The following RYR1 variants were observed in gnomAD, a reference collection of about 807,000 sequenced individuals.
RYR1 encodes central core disease of muscle.
A neutral mutation model predicts 583.5 loss-of-function variants in RYR1; 342 were observed. The observed-to-expected ratio is 0.59, with a 90% CI of 0.54 to 0.64. The LOEUF (loss-of-function observed/expected upper bound fraction) is 0.64. RYR1 is among the 30% of genes least tolerant of loss of function. The probability of loss-of-function intolerance (pLI) is 0.00; values close to 1 mark genes in which losing one functional copy is unlikely to be tolerated. For synonymous variants in RYR1, 2,791 were observed against 2,822.5 expected, an observed-to-expected ratio of 0.99 and a Z score of 0.35; for missense variants, 6,032 against 6,917.2, an observed-to-expected ratio of 0.87 and a Z score of 4.54.
chr19:38,560,416 C>T (rs1252197645), intron 89 of RYR1, among the ~76,000 whole-genome samples: 1 of 151,228 alleles, frequency 6.6e-6, no homozygotes, highest in Admixed American at 6.6e-5. Context: ...CCTACATTTC[C>T]ATTAGCAGGA....
At chr19:38,571,927 G>T (rs1408123050) in intron 94 of RYR1, 92 bp from the exon 95 acceptor site, 4 of 1,569,216 alleles carry the variant, frequency 2.5e-6, no homozygotes, top group Non-Finnish European at 3.5e-6. Context: ...TATCTGGTAT[G>T]GTCCCAGTCC....
intron 23 of RYR1, 130 bp downstream of exon 23, chr19:38,464,852 G>T: frequency 1.3e-6 from 1 of 764,494 alleles, no homozygotes; most frequent in Non-Finnish European, 2.3e-6. Flanking sequence ...GGGTTAGGGT[G>T]AAGGTCATAG....
chr19:38,463,984 A>C (rs553627989), intron 22 of RYR1, 134 bp downstream of exon 22: 6 of 753,296 alleles, frequency 8.0e-6, no homozygotes, highest in Non-Finnish European at 1.4e-5. Flanking sequence ...AGACATAAAC[A>C]AATGGGGAGT....
intron 71 of RYR1, 147 bp downstream of exon 71, chr19:38,525,649 G>A (rs1475700949): frequency 7.8e-6 from 7 of 895,288 alleles, no homozygotes; most frequent in East Asian, 5.3e-5. Context: ...GTTCTTTTCC[G>A]GGATGCTGAG....
At chr19:38,434,534 T>C (rs891737797) in intron 1 of RYR1, among the ~76,000 whole-genome samples, 7 of 152,184 alleles carry the variant, frequency 4.6e-5, no homozygotes, top group African/African-American at 1.7e-4. Context: ...TCCCTGTCTC[T>C]GTTTCTTAGC....
chr19:38,565,412 G>T lies in RYR1; in HGVS notation c.13078G>T (p.Gly4360Cys), dbSNP rs2145845776. The T allele has an allele frequency of 2.0e-6, 3 of 1,482,150 alleles. No individual in the cohort carries two copies. In the East Asian group the frequency reaches 8.7e-5, roughly 43 times the overall value. The allele number at this position is 1,482,150 out of a possible 1,614,324, so 91.8% of individuals were successfully genotyped here. The change falls in exon 91 of 106, where the codon GGC becomes TGC. Residue 4360 changes from glycine (G) to cysteine (C), a missense_variant. Physicochemically the swap from Gly to Cys is radical, Grantham distance 159. Transcript: ENST00000359596. This position sits in a 1 kb window ranked among gnomAD's most constrained non-coding sequence, Gnocchi z 4.7. ...GGCGGGCGCGCTGGGCCTGCTCTGG[G>T]GCTCGCTGTTCGGCGGCGGCCTGGT... ...AAAGALGLLW[G>C]SLFGGGLVEG... is the part of the protein sequence containing the mutation.
At chr19:38,443,479 C>T in intron 3 of RYR1, 79 bp from the exon 4 acceptor site, 2 of 1,328,788 alleles carry the variant, frequency 1.5e-6, no homozygotes, top group South Asian at 2.5e-5. Flanking sequence ...ATCTTGTCAC[C>T]TGTGACTAGG....
chr19:38,490,013 G>C, intron 35 of RYR1, 63 bp from the exon 36 acceptor site: 1 of 1,560,596 alleles, frequency 6.4e-7, no homozygotes, highest in Admixed American at 1.7e-5. Flanking sequence ...AGCAAGAGAA[G>C]TTTCAAGGAA....
In RYR1 at chr19:38,545,681, G is replaced by T. The variant is rs116563238; in HGVS notation, c.12013-764G>T. On this transcript the variant is annotated intron_variant, in intron 87 of 105. Coordinates refer to ENST00000359596, the MANE Select transcript of RYR1 (RefSeq NM_000540.3). ...TAAAAAATTAGCTGGGTATGGTGGCGCATGCCTGTAATCCAGCTACTCGAG... is the reference window on the plus strand; with the variant it reads ...TAAAAAATTAGCTGGGTATGGTGGCTCATGCCTGTAATCCAGCTACTCGAG... Among the ~76,000 whole-genome samples the T allele has an allele frequency of 2.0e-5, 3 of 152,142 alleles. No individual in the cohort carries two copies. The East Asian group carries it at 5.8e-4, about 29-fold the overall frequency.
intron 71 of RYR1, 99 bp from the exon 72 acceptor site, chr19:38,526,892 CCT>C: frequency 6.1e-6 from 8 of 1,307,342 alleles, no homozygotes; most frequent in African/African-American, 1.5e-5. Flanking sequence ...CCCAGAAAAA[CCT>C]CTTCAGTTCC....
At chr19:38,467,907 C>A in intron 25 of RYR1, 95 bp downstream of exon 25, 2 of 1,176,810 alleles carry the variant, frequency 1.7e-6, no homozygotes, top group Non-Finnish European at 2.5e-6. Flanking sequence ...CTCACTCTGT[C>A]CCCACTTCAT....
rs574486124 is a variant in RYR1, at chr19:38,523,075, G to A, written c.10307G>A (p.Arg3436Lys). Reference sequence around the variant, plus strand: ...AATCCCAGCGCGGAGGAGCTGTTCAGGATGGTGGGCGAGATCTTCATCTAC... The same window carrying A: ...AATCCCAGCGCGGAGGAGCTGTTCAAGATGGTGGGCGAGATCTTCATCTAC... ...EPNPSAEELF[R>K]MVGEIFIYWS... The change falls in exon 68 of 106, where the codon AGG becomes AAG. Residue 3436 changes from arginine to lysine, a missense_variant. Transcript: ENST00000359596. 1.9e-6 allele frequency: 3 copies of A among 1,612,230 alleles called. No homozygotes were observed. The East Asian group carries it at 6.7e-5, about 36-fold the overall frequency.
Position 38,561,213 on chromosome 19 carries a change from C to G in RYR1, c.12383C>G (p.Ala4128Gly). 6.2e-7 allele frequency: 1 copy of G among 1,614,160 alleles called. No homozygotes were observed. The highest frequency in any genetic ancestry group is 8.5e-7 in the Non-Finnish European group (1 of 1,180,036). ...ENEMINCEEF[A>G]NRFQEPARDI... is the part of the protein sequence containing the mutation. ...GAAATGATCAACTGCGAAGAGTTCG[C>G]CAACCGCTTCCAGGAGCCAGCACGC... is the stretch of plus-strand genomic sequence containing the variant. The change falls in exon 90 of 106, where the codon GCC becomes GGC. Residue 4128 changes from alanine to glycine, a missense_variant. Physicochemically the swap from Ala to Gly is moderately conservative, Grantham distance 60. This residue lies in a region of RYR1 where 753 missense variants were observed against 759.6 expected (regional missense o/e 0.99). Transcript: ENST00000359596. This position sits in a 1 kb window ranked among gnomAD's most constrained non-coding sequence, Gnocchi z 4.8.
rs1440452020 is a variant in RYR1, at chr19:38,448,515, A to C, written c.957+4A>C. The C allele has an allele frequency of 1.2e-6, 2 of 1,612,210 alleles. No homozygotes were observed. Among genetic ancestry groups the C allele is most frequent in the Non-Finnish European group, 1.7e-6 (2 of 1,178,304 alleles). On this transcript the variant is annotated splice_donor_region_variant and intron_variant, in intron 10 of 105. Coordinates refer to ENST00000359596, the MANE Select transcript of RYR1 (RefSeq NM_000540.3). ...CTTCTGCTTCCGCATCTCCAAGGTC[A>C]GTGGGGTTTGTGGCGCCCTCCCTCA...
In RYR1 at chr19:38,506,943, C is replaced by G; in HGVS notation, c.8807C>G (p.Ala2936Gly). ...LLKFLQMNGY[A>G]VTRGLKDMEL... ...AAATTCCTGCAGATGAATGGCTACGCGGTTACAAGGCACGCGGGTTGGGGC... is the reference window on the plus strand; with the variant it reads ...AAATTCCTGCAGATGAATGGCTACGGGGTTACAAGGCACGCGGGTTGGGGC... Residue 2936 changes from alanine to glycine, a missense_variant, in exon 57 of 106, where the codon GCG (alanine) becomes GGG (glycine). Physicochemically the swap from Ala to Gly is moderately conservative, Grantham distance 60 (BLOSUM62 0). Coordinates refer to ENST00000359596, the MANE Select transcript of RYR1 (RefSeq NM_000540.3). The G allele has an allele frequency of 6.2e-7, 1 of 1,612,626 alleles. No individual in the cohort carries two copies. Among genetic ancestry groups the G allele is most frequent in the Non-Finnish European group, 8.5e-7 (1 of 1,180,006 alleles).
At position 38,446,746 on chromosome 19, in the gene RYR1, A is replaced by T. The variant is rs763360326; in HGVS notation, c.778A>T (p.Arg260Trp). The T allele has an allele frequency of 2.5e-6, 4 of 1,613,672 alleles. No homozygotes were observed. Among genetic ancestry groups the T allele is most frequent in the Non-Finnish European group, 3.4e-6 (4 of 1,179,914 alleles). ...AVCTHARSLW[R>W]LEPLRISWSG... ...GTGCACTCATGCCCGCTCCCTCTGGAGGCTGGAGCCACTGAGAATCAGGTA... is the reference window on the plus strand; with the variant it reads ...GTGCACTCATGCCCGCTCCCTCTGGTGGCTGGAGCCACTGAGAATCAGGTA... Residue 260 changes from arginine (R) to tryptophan (W), a missense_variant, in exon 9 of 106, where the codon AGG (arginine) becomes TGG (tryptophan). Transcript: ENST00000359596.
chr19:38,556,296 A>G (rs770233589), intron 89 of RYR1, among the ~76,000 whole-genome samples: 3 of 151,958 alleles, frequency 2.0e-5, no homozygotes, highest in Non-Finnish European at 4.4e-5. Flanking sequence ...AGCCTGCGTA[A>G]CACAGCAAAA....
At position 38,442,338 on chromosome 19, in the gene RYR1, TC is replaced by T; in HGVS notation, c.166-8del. The T allele has an allele frequency of 7.6e-7, 1 of 1,314,728 alleles. No individual in the cohort carries two copies. The highest frequency in any genetic ancestry group is 1.1e-6 in the Non-Finnish European group (1 of 914,130). The allele number at this position is 1,314,728 out of a possible 1,614,324, so 81.4% of individuals were successfully genotyped here. ...TTCTGACCCCTCACTTACATCCCCCTCCCACCCCAGAATGTGCCCCCCGATC... is the reference window on the plus strand; with the variant it reads ...TTCTGACCCCTCACTTACATCCCCCTCCACCCCAGAATGTGCCCCCCGATC... On this transcript the variant is annotated splice_polypyrimidine_tract_variant and intron_variant, in intron 2 of 105. Coordinates refer to ENST00000359596, the MANE Select transcript of RYR1 (RefSeq NM_000540.3).
chr19:38,519,075 A>T, intron 66 of RYR1, 139 bp from the exon 67 acceptor site: 1 of 1,378,618 alleles, frequency 7.3e-7, no homozygotes, highest in Non-Finnish European at 1.0e-6. Context: ...TTCAGGGACT[A>T]TATCCAAGGT....
Sources: gnomAD v4.1 joint callset for allele counts (sites outside exome capture counted in the v4.1 genomes callset) on GRCh38, gnomAD v4.1.1 for gene constraint, gnomAD v4.1.1 regional missense constraint, Gnocchi (gnomAD v3.1) non-coding constraint, MANE v1.5 for transcripts, NCBI Gene and HGNC (gene_info 2026-07-23, HGNC 2026-07-21) for gene names.